The following TAFA1 variants were observed in gnomAD, a reference collection of about 807,000 sequenced individuals.
TAFA1 encodes the protein chemokine-like protein TAFA-1.
TAFA1 carries 4 observed loss-of-function variants against 18.5 expected under a neutral mutation model. The ratio of observed to expected loss-of-function variants is 0.22; its 90% CI spans 0.11 to 0.49. TAFA1 has a LOEUF of 0.49. TAFA1 is among the 20% of genes least tolerant of loss of function. The pLI is 0.98. For missense variants in TAFA1, 147 were observed against 169.0 expected, an observed-to-expected ratio of 0.87 and a Z score of 0.72; for synonymous variants, 56 against 55.2, an observed-to-expected ratio of 1.01 and a Z score of -0.06.
chr3:68,147,593 C>T (rs2065757329), intron 2 of TAFA1, among the ~76,000 whole-genome samples: 1 of 152,176 alleles, frequency 6.6e-6, no homozygotes, highest in African/African-American at 2.4e-5. Context: ...AAACACTCCT[C>T]AAAACCACCC....
intron 2 of TAFA1, among the ~76,000 whole-genome samples, chr3:68,019,160 C>T (rs1247778469): frequency 6.6e-6 from 1 of 152,156 alleles, no homozygotes; most frequent in Non-Finnish European, 1.5e-5. Context: ...CTACATTAGC[C>T]AGGCATCTGT....
intron 2 of TAFA1, among the ~76,000 whole-genome samples, chr3:68,118,615 A>G (rs2065351121): frequency 1.3e-5 from 2 of 152,160 alleles, no homozygotes. Flanking sequence ...AATAACTAGA[A>G]TCATGCAGTA....
chr3:68,170,288 AT>A, intron 2 of TAFA1, among the ~76,000 whole-genome samples: 1 of 152,074 alleles, frequency 6.6e-6, no homozygotes, highest in Non-Finnish European at 1.5e-5. Flanking sequence ...TTCCCAGAAA[AT>A]TTTTACTATT....
intron 2 of TAFA1, among the ~76,000 whole-genome samples, chr3:68,254,141 C>CTATA: frequency 9.6e-6 from 1 of 103,708 alleles, no homozygotes; most frequent in South Asian, 3.4e-4. Flanking sequence ...ATGTATCTAT[C>CTATA]TATCTATCTA....
intron 3 of TAFA1, among the ~76,000 whole-genome samples, chr3:68,440,740 C>A (rs1280794081): frequency 6.6e-6 from 1 of 152,108 alleles, no homozygotes; most frequent in Non-Finnish European, 1.5e-5. Flanking sequence ...AATGGTAATA[C>A]TAAGATCTCT....
chr3:68,455,086 A>T (rs1383604537), intron 3 of TAFA1, among the ~76,000 whole-genome samples: 1 of 152,220 alleles, frequency 6.6e-6, no homozygotes, highest in Non-Finnish European at 1.5e-5. Flanking sequence ...CAATCAAGTA[A>T]ACTAGAGAAA....
At chr3:68,256,005 C>T (rs1376988155) in intron 2 of TAFA1, among the ~76,000 whole-genome samples, 1 of 151,978 alleles carries the variant, frequency 6.6e-6, no homozygotes, top group Non-Finnish European at 1.5e-5. Flanking sequence ...ACTAACTCTG[C>T]TAGAGTATTT....
intron 3 of TAFA1, among the ~76,000 whole-genome samples, chr3:68,428,041 T>C (rs2071092424): frequency 6.6e-6 from 1 of 151,972 alleles, no homozygotes; most frequent in Non-Finnish European, 1.5e-5. Context: ...TATAGGACTA[T>C]GAAAATGGAC....
chr3:68,031,110 T>C (rs1704926171), intron 2 of TAFA1, among the ~76,000 whole-genome samples: 1 of 152,216 alleles, frequency 6.6e-6, no homozygotes. Flanking sequence ...AACTTAGCAG[T>C]TCTTATTCAG....
chr3:68,081,309 A>G (rs2064896118), intron 2 of TAFA1, among the ~76,000 whole-genome samples: 3 of 152,078 alleles, frequency 2.0e-5, no homozygotes. Flanking sequence ...TTCTTCTCTC[A>G]GCTCGTCAAA....
chr3:68,066,982 T>C (rs1008689342), intron 2 of TAFA1, among the ~76,000 whole-genome samples: 1 of 152,086 alleles, frequency 6.6e-6, no homozygotes, highest in African/African-American at 2.4e-5. Context: ...TGCTGTAAAG[T>C]CTTTGACATG....
At chr3:68,174,888 C>G (rs1391804069) in intron 2 of TAFA1, among the ~76,000 whole-genome samples, 1 of 152,214 alleles carries the variant, frequency 6.6e-6, no homozygotes, top group Admixed American at 6.5e-5. Flanking sequence ...CCTCCCATCA[C>G]AGGCCCAGAG....
chr3:68,062,593 C>T (rs186145208), intron 2 of TAFA1, among the ~76,000 whole-genome samples: 292 of 152,304 alleles, frequency 1.9e-3, no homozygotes, highest in Non-Finnish European at 3.2e-3. Flanking sequence ...ACTTCCTATA[C>T]ATATGCATGA....
intron 2 of TAFA1, among the ~76,000 whole-genome samples, chr3:68,079,610 T>C (rs1311004444): frequency 2.0e-5 from 3 of 152,230 alleles, no homozygotes; most frequent in Non-Finnish European, 2.9e-5. Context: ...AGTTTCCATG[T>C]AGTTGAGCGG....
At chr3:68,200,536 T>G (rs1423932987) in intron 2 of TAFA1, among the ~76,000 whole-genome samples, 3 of 151,660 alleles carry the variant, frequency 2.0e-5, no homozygotes, top group Non-Finnish European at 4.4e-5. Context: ...TTAAAATGTC[T>G]GTGTCTTCAT....
chr3:68,534,561 T>A (rs936509605), intron 3 of TAFA1, among the ~76,000 whole-genome samples: 2 of 152,172 alleles, frequency 1.3e-5, no homozygotes, highest in South Asian at 2.1e-4. Context: ...AGCCAAAGGG[T>A]AAAGCAAATC....
chr3:68,055,688 C>T (rs1332224458), intron 2 of TAFA1, among the ~76,000 whole-genome samples: 1 of 151,992 alleles, frequency 6.6e-6, no homozygotes, highest in Non-Finnish European at 1.5e-5. Flanking sequence ...TAGATAACTT[C>T]TGAAGTCTCA....
chr3:68,313,909 A>G (rs925413859), intron 2 of TAFA1, among the ~76,000 whole-genome samples: 9 of 152,244 alleles, frequency 5.9e-5, no homozygotes, highest in African/African-American at 1.9e-4. Context: ...GTGGGTATGA[A>G]TATTAGCCTG....
chr3:68,340,332 A>G (rs1392039861), intron 2 of TAFA1, among the ~76,000 whole-genome samples: 1 of 152,250 alleles, frequency 6.6e-6, no homozygotes, highest in Non-Finnish European at 1.5e-5. Flanking sequence ...TCCATCTGAA[A>G]TAAGCTACAT....
Sources: gnomAD v4.1 joint callset for allele counts (sites outside exome capture counted in the v4.1 genomes callset) on GRCh38, gnomAD v4.1.1 for gene constraint, MANE v1.5 for transcripts, NCBI Gene and HGNC (gene_info 2026-07-23, HGNC 2026-07-21) for gene names.